CFAP299: variants seen among roughly 807,000 people sequenced by gnomAD.
CFAP299 encodes cilia- and flagella-associated protein 299.
CFAP299 carries 21 observed loss-of-function variants against 27.0 expected under a neutral mutation model. The ratio of observed to expected loss-of-function variants is 0.78; its 90% CI spans 0.55 to 1.12. CFAP299 has a LOEUF of 1.12. Ranked by LOEUF, CFAP299 falls within the 50% of genes most tolerant of loss-of-function variation. CFAP299 has a pLI of 0.00. For synonymous variants in CFAP299, 104 were observed against 98.1 expected (o/e 1.06, Z -0.36); for missense variants, 310 against 276.6 (o/e 1.12, Z -0.86).
rs189604664 is a variant in CFAP299 at position 80,456,015 on chromosome 4, G to A, written c.242+93131G>A. ...TTTGAAGAAAAATAAAGCAGGAAAA[G>A]GAGATAAGGTGATGCTAGGGTGGGG... On this transcript the variant is annotated intron_variant, in intron 2 of 5. Transcript: ENST00000358105. Among the ~76,000 whole-genome samples the A allele has an allele frequency of 2.0e-5, 3 of 152,274 alleles. No homozygotes were observed. In the East Asian group the frequency reaches 5.8e-4, roughly 29 times the overall value.
intron 3 of CFAP299, among the ~76,000 whole-genome samples, chr4:80,689,974 A>G (rs1408057983): frequency 1.3e-5 from 2 of 150,210 alleles, no homozygotes; most frequent in African/African-American, 2.5e-5. Context: ...AAAGGGATCA[A>G]TTCAACAAGA....
Position 80,803,357 on chromosome 4 carries a change from G to A in CFAP299, c.334-66636G>A, listed in dbSNP as rs187290536. Among the ~76,000 whole-genome samples, 595 of 152,172 alleles carry A rather than the reference G, an allele frequency of 3.9e-3. 1 individual carries two copies. The highest frequency in any genetic ancestry group is 0.013 in the African/African-American group (556 of 41,534). ...CAAAGAAACTATTGAAATGTATTTT[G>A]AAACATTATTAGGATTTTGTTGAGG... On this transcript the variant is annotated intron_variant, in intron 3 of 5. Coordinates refer to ENST00000358105, the MANE Select transcript of CFAP299 (RefSeq NM_152770.3).
intron 3 of CFAP299, among the ~76,000 whole-genome samples, chr4:80,808,199 T>A (rs17004992): frequency 0.034 from 5,113 of 152,218 alleles, 207 homozygotes; most frequent in African/African-American, 0.1. Flanking sequence ...ACCAGTTAAT[T>A]TGACTGCTAA....
chr4:80,948,912 T>G (rs191445234), intron 5 of CFAP299, among the ~76,000 whole-genome samples: 13 of 152,288 alleles, frequency 8.5e-5, no homozygotes, highest in Non-Finnish European at 1.8e-4. Context: ...ATAGCAGTGA[T>G]AGCAGAAATG....
intron 2 of CFAP299, among the ~76,000 whole-genome samples, chr4:80,439,441 A>G (rs1421163171): frequency 6.6e-6 from 1 of 152,198 alleles, no homozygotes; most frequent in Non-Finnish European, 1.5e-5. Context: ...GGGAAGCTCA[A>G]GGGCTCGGGG....
At chr4:80,387,727 G>T in intron 2 of CFAP299, 1 of 1,582,646 alleles carries the variant, frequency 6.3e-7, no homozygotes. Flanking sequence ...CTTCTCACCT[G>T]TGTGGCTTCA....
chr4:80,792,362 T>A lies in CFAP299; in HGVS notation c.334-77631T>A, dbSNP rs116511840. ...TTCTGAGTTGCGTTAGGATTTATTA[T>A]ACTTTTGGATTAAACTCCTAAACTG... On this transcript the variant is annotated intron_variant, in intron 3 of 5. Transcript: ENST00000358105. Among the ~76,000 whole-genome samples the A allele has an allele frequency of 5.9e-3, 895 of 152,208 alleles. 7 individuals carry two copies. Among genetic ancestry groups the A allele is most frequent in the African/African-American group, 0.02 (835 of 41,566 alleles).
chr4:80,879,997 T>C (rs1733610948), intron 4 of CFAP299, among the ~76,000 whole-genome samples: 1 of 152,242 alleles, frequency 6.6e-6, no homozygotes, highest in African/African-American at 2.4e-5. Context: ...TGGGATTCTA[T>C]TGTTTAAATT....
At chr4:80,327,124 T>A in the CFAP299 span, among the ~76,000 whole-genome samples, 3 of 152,138 alleles carry the variant, frequency 2.0e-5, no homozygotes, top group Non-Finnish European at 2.9e-5. Context: ...TATAAAGATG[T>A]AATGAGGATT....
chr4:80,572,984 C>G (rs1244899632), intron 2 of CFAP299, among the ~76,000 whole-genome samples: 1 of 152,074 alleles, frequency 6.6e-6, no homozygotes, highest in African/African-American at 2.4e-5. Flanking sequence ...TGGGTATAGG[C>G]TTAGCAGTGG....
intron 2 of CFAP299, among the ~76,000 whole-genome samples, chr4:80,423,914 C>T (rs569066498): frequency 5.9e-5 from 9 of 152,306 alleles, no homozygotes; most frequent in African/African-American, 2.2e-4. Context: ...TCTACTGCAC[C>T]TGAGGGACAG....
At chr4:80,462,932 A>C (rs1729516111) in intron 2 of CFAP299, among the ~76,000 whole-genome samples, 3 of 152,194 alleles carry the variant, frequency 2.0e-5, no homozygotes, top group Admixed American at 6.6e-5. Flanking sequence ...GGAGAATGAG[A>C]TAGTAAGGGC....
chr4:80,553,503 A>G (rs1734631465), intron 2 of CFAP299, among the ~76,000 whole-genome samples: 1 of 152,176 alleles, frequency 6.6e-6, no homozygotes, highest in Non-Finnish European at 1.5e-5. Context: ...AATGATTTAT[A>G]TTCCTCTGAG....
intron 2 of CFAP299, among the ~76,000 whole-genome samples, chr4:80,398,225 A>G (rs1398947946): frequency 2.0e-5 from 3 of 152,182 alleles, no homozygotes; most frequent in Non-Finnish European, 4.4e-5. Context: ...ATGCTCATGG[A>G]TAGGAAGAAT....
chr4:80,607,216 T>A (rs1737725655), intron 3 of CFAP299, among the ~76,000 whole-genome samples: 1 of 152,272 alleles, frequency 6.6e-6, no homozygotes, highest in East Asian at 1.9e-4. Context: ...AATAGAATAT[T>A]AAATAATATT....
At chr4:80,750,237 T>G (rs1724855889) in intron 3 of CFAP299, among the ~76,000 whole-genome samples, 1 of 152,108 alleles carries the variant, frequency 6.6e-6, no homozygotes, top group Admixed American at 6.5e-5. Flanking sequence ...AAATAGCATT[T>G]AAAAAAATTT....
At chr4:80,761,504 T>C (rs1725537705) in intron 3 of CFAP299, among the ~76,000 whole-genome samples, 1 of 152,066 alleles carries the variant, frequency 6.6e-6, no homozygotes, top group South Asian at 2.1e-4. Flanking sequence ...TTTTTGAAGC[T>C]AAAATATTAA....
intron 2 of CFAP299, among the ~76,000 whole-genome samples, chr4:80,378,482 T>A (rs1028050181): frequency 6.6e-6 from 1 of 151,748 alleles, no homozygotes; most frequent in Middle Eastern, 3.4e-3. Flanking sequence ...GGGATATTGT[T>A]TTTTTTTTCA....
intron 3 of CFAP299, among the ~76,000 whole-genome samples, chr4:80,637,807 A>G (rs1739523678): frequency 6.6e-6 from 1 of 152,172 alleles, no homozygotes; most frequent in Non-Finnish European, 1.5e-5. Flanking sequence ...AAAAACTAAC[A>G]TGTGCAAACA....
Sources: allele counts gnomAD v4.1 joint callset (sites outside exome capture counted in the v4.1 genomes callset), GRCh38; gene constraint gnomAD v4.1.1; transcripts MANE v1.5; gene names NCBI Gene and HGNC (gene_info 2026-07-23, HGNC 2026-07-21).